Variants in WNT3A observed in about 807,000 individuals in gnomAD.
WNT3A encodes protein Wnt-3a.
In WNT3A, 17 loss-of-function variants were observed where a neutral mutation model predicts 37.0. The ratio of observed to expected loss-of-function variants is 0.46; its 90% CI spans 0.31 to 0.69. The LOEUF (loss-of-function observed/expected upper bound fraction) is 0.69. Among genes scored for constraint, WNT3A ranks in the 30% least tolerant of loss-of-function variants. The pLI is 0.05. For synonymous variants in WNT3A, 187 were observed against 211.0 expected (o/e 0.89, Z 0.99); for missense variants, 411 against 510.2 (o/e 0.81, Z 1.87).
chr1:228,042,427 T>C lies in WNT3A; in HGVS notation c.314-8229T>C, dbSNP rs150644350. Among the ~76,000 whole-genome samples the C allele has an allele frequency of 1.6e-3, 247 of 151,478 alleles. No individual in the cohort carries two copies. Among genetic ancestry groups the C allele is most frequent in the South Asian group, 6.5e-3 (31 of 4,774 alleles). ...TGATGGATGGATGGTGGGTGGTGGATAGATGGATGAATGGATGATGGGTGG... is the reference window on the plus strand; with the variant it reads ...TGATGGATGGATGGTGGGTGGTGGACAGATGGATGAATGGATGATGGGTGG... On this transcript the variant is annotated intron_variant, in intron 2 of 3. Coordinates refer to ENST00000284523, the MANE Select transcript of WNT3A (RefSeq NM_033131.4). This position sits in a 1 kb window ranked among gnomAD's most constrained non-coding sequence, Gnocchi z 5.2.
At chr1:228,058,887 T>G in intron 3 of WNT3A, 99 bp from the exon 4 acceptor site, 4 of 1,241,200 alleles carry the variant, frequency 3.2e-6, no homozygotes, top group Non-Finnish European at 4.4e-6. Flanking sequence ...CCCGGGGGCT[T>G]TATGGAGCAG....
chr1:228,034,126 G>A (rs886868782), intron 2 of WNT3A, among the ~76,000 whole-genome samples: 8 of 152,100 alleles, frequency 5.3e-5, no homozygotes, highest in Admixed American at 3.9e-4. Flanking sequence ...GCCAGGCATG[G>A]TGGCACATGC....
rs572229142 is a variant in WNT3A at position 228,022,866 on chromosome 1, G to A, written c.271G>A (p.Val91Ile). The change falls in exon 2 of 4, where the codon GTC (valine) becomes ATC (isoleucine). Residue 91 changes from valine to isoleucine, a missense_variant. By Grantham distance (29) the Val-to-Ile change is conservative. Transcript: ENST00000284523. ...FRGRRWNCTTVHDSLAIFGPV... is the reference protein window; with the variant it reads ...FRGRRWNCTTIHDSLAIFGPV... ...CGGCCGCCGGTGGAACTGCACCACCGTCCACGACAGCCTGGCCATCTTCGG... is the reference window on the plus strand; with the variant it reads ...CGGCCGCCGGTGGAACTGCACCACCATCCACGACAGCCTGGCCATCTTCGG... 31 of 1,613,052 alleles carry A rather than the reference G, an allele frequency of 1.9e-5. No individual in the cohort carries two copies. The highest frequency in any genetic ancestry group is 1.7e-4 in the Middle Eastern group (1 of 6,048).
chr1:228,011,934 C>T (rs1021657058), intron 1 of WNT3A, among the ~76,000 whole-genome samples: 3 of 152,250 alleles, frequency 2.0e-5, no homozygotes, highest in Non-Finnish European at 2.9e-5. Context: ...GCCTCAGGGA[C>T]GCACAGCACC....
rs1356967553 is a variant in WNT3A at position 228,059,290 on chromosome 1, G to A, written c.884G>A (p.Arg295His). ...ACGGGCTCCTTCGGCACGCGCGACCGCACCTGCAACGTCAGCTCGCACGGC... is the reference window on the plus strand; with the variant it reads ...ACGGGCTCCTTCGGCACGCGCGACCACACCTGCAACGTCAGCTCGCACGGC... The part of the protein sequence containing the change: ...PETGSFGTRD[R>H]TCNVSSHGID... Residue 295 changes from arginine to histidine, a missense_variant, in exon 4 of 4, where the codon CGC (arginine) becomes CAC (histidine). Arg to His is a conservative substitution (Grantham distance 29). Coordinates refer to ENST00000284523, the MANE Select transcript of WNT3A (RefSeq NM_033131.4). 2.5e-6 allele frequency: 4 copies of A among 1,589,558 alleles called. No homozygotes were observed. Among genetic ancestry groups the A allele is most frequent in the Admixed American group, 1.7e-5 (1 of 57,682 alleles).
chr1:228,026,506 T>C (rs1349110923), intron 2 of WNT3A, among the ~76,000 whole-genome samples: 1 of 152,250 alleles, frequency 6.6e-6, no homozygotes, highest in African/African-American at 2.4e-5. Flanking sequence ...AAGTGTTTTT[T>C]TGTTACATGG....
chr1:228,016,401 G>T (rs1296799289), intron 1 of WNT3A, among the ~76,000 whole-genome samples: 1 of 152,142 alleles, frequency 6.6e-6, no homozygotes, highest in Non-Finnish European at 1.5e-5. Context: ...GCCCAGTTCA[G>T]TTGGGGAAAC....
In WNT3A at chr1:228,059,182, G is replaced by T. The variant is rs768601883; in HGVS notation, c.776G>T (p.Arg259Leu). Residue 259 changes from arginine to leucine, a missense_variant, in exon 4 of 4, where the codon CGC becomes CTC. Physicochemically the swap from Arg to Leu is moderately radical, Grantham distance 102. Transcript: ENST00000284523. ...SRGWVETLRP[R>L]YTYFKVPTER... ...GGCTGGGTGGAGACCCTGCGGCCGCGCTACACCTACTTCAAGGTGCCCACG... is the reference window on the plus strand; with the variant it reads ...GGCTGGGTGGAGACCCTGCGGCCGCTCTACACCTACTTCAAGGTGCCCACG... 1.7e-5 allele frequency: 28 copies of T among 1,612,846 alleles called. No individual in the cohort carries two copies. Among genetic ancestry groups the T allele is most frequent in the Non-Finnish European group, 2.4e-5 (28 of 1,179,908 alleles).
chr1:228,044,618 C>T (rs958200637), intron 2 of WNT3A, among the ~76,000 whole-genome samples: 3 of 152,214 alleles, frequency 2.0e-5, no homozygotes, highest in African/African-American at 7.2e-5. Flanking sequence ...CATGCATCAT[C>T]CCTGGAGCCA....
Position 228,059,437 on chromosome 1 carries a change from G to A in WNT3A, c.1031G>A (p.Arg344His). The A allele has an allele frequency of 6.5e-7, 1 of 1,531,108 alleles. No individual in the cohort carries two copies. Among genetic ancestry groups the A allele is most frequent in the Non-Finnish European group, 8.7e-7 (1 of 1,143,160 alleles). The allele number at this position is 1,531,108 out of a possible 1,614,324, so 94.8% of individuals were successfully genotyped here. A position where few individuals can be genotyped will look rare whatever the true frequency, so the allele number is the denominator to read the frequency against. ...TACGTCAGCTGCCAGGAGTGCACGC[G>A]CGTCTACGACGTGCACACCTGCAAG... is the stretch of plus-strand genomic sequence containing the variant. ...CCYVSCQECT[R>H]VYDVHTCK The change falls in exon 4 of 4, where the codon CGC (arginine) becomes CAC (histidine). Residue 344 changes from arginine (R) to histidine (H), a missense_variant. Physicochemically the swap from Arg to His is conservative, Grantham distance 29. Transcript: ENST00000284523.
At position 228,050,916 on chromosome 1, in the gene WNT3A, C is replaced by T. The variant is rs2031537770; in HGVS notation, c.574C>T (p.Arg192Cys). 6 of 1,535,554 alleles carry T rather than the reference C, an allele frequency of 3.9e-6. No homozygotes were observed. The highest frequency in any genetic ancestry group is 2.3e-5 in the East Asian group (1 of 43,872). The change falls in exon 3 of 4, where the codon CGC becomes TGC. Residue 192 changes from arginine (R) to cysteine (C), a missense_variant. Coordinates refer to ENST00000284523, the MANE Select transcript of WNT3A (RefSeq NM_033131.4). The surrounding 1 kb of genome is among the most constrained non-coding windows in gnomAD (Gnocchi z 5.0). The stretch of plus-strand genomic sequence containing the variant: ...GAACCGCCACAACAACGAGGCTGGG[C>T]GCCAGGTAGGTTCGCCGCCCGCAAG... Reference protein sequence around the residue: ...AMNRHNNEAGRQAIASHMHLK... With the variant: ...AMNRHNNEAGCQAIASHMHLK...
intron 2 of WNT3A, among the ~76,000 whole-genome samples, chr1:228,043,336 G>A (rs747394170): frequency 1.3e-5 from 2 of 152,166 alleles, no homozygotes. Context: ...AAAAAGTTCA[G>A]CCAGGCTCCT....
chr1:228,052,903 T>C (rs149124819), intron 3 of WNT3A, among the ~76,000 whole-genome samples: 1 of 152,286 alleles, frequency 6.6e-6, no homozygotes, highest in African/African-American at 2.4e-5. Flanking sequence ...TGAATGTGTC[T>C]CCCAAAATTC....
chr1:228,043,454 C>G (rs1388265140), intron 2 of WNT3A, among the ~76,000 whole-genome samples: 12 of 152,214 alleles, frequency 7.9e-5, no homozygotes, highest in African/African-American at 2.9e-4. Context: ...CTAATGAAGG[C>G]ATTTTCCTGC....
Position 228,048,177 on chromosome 1 carries a change from A to G in WNT3A, c.314-2479A>G, listed in dbSNP as rs118177166. Reference sequence around the variant, plus strand: ...TGTCCCATGGGAGGACCCTGGCTCCAGGAGAACCTCAGGCCTCCTTCTATC... The same window carrying G: ...TGTCCCATGGGAGGACCCTGGCTCCGGGAGAACCTCAGGCCTCCTTCTATC... On this transcript the variant is annotated intron_variant, in intron 2 of 3. Transcript: ENST00000284523. 3.6e-3 allele frequency among the ~76,000 whole-genome samples: 555 copies of G among 152,322 alleles called. 11 individuals carry two copies. Among genetic ancestry groups the G allele is most frequent in the East Asian group, 0.03 (155 of 5,180 alleles).
intron 1 of WNT3A, 69 bp from the exon 2 acceptor site, chr1:228,022,598 G>C: frequency 6.4e-7 from 1 of 1,554,112 alleles, no homozygotes; most frequent in Non-Finnish European, 8.8e-7. Flanking sequence ...CAGAGCAAAG[G>C]GTCTGTAGCC....
chr1:228,030,605 G>A (rs1430437586), intron 2 of WNT3A, among the ~76,000 whole-genome samples: 2 of 152,108 alleles, frequency 1.3e-5, no homozygotes, highest in African/African-American at 2.4e-5. Context: ...TTTATGAGCT[G>A]CCTGGCTATG....
chr1:228,045,594 C>T lies in WNT3A; in HGVS notation c.314-5062C>T, dbSNP rs528544370. Reference sequence around the variant, plus strand: ...AGGAAGTGCTCTGCATCCAGCCACACGTGTATTCACTCAGAGGCAGTGGGT... The same window carrying T: ...AGGAAGTGCTCTGCATCCAGCCACATGTGTATTCACTCAGAGGCAGTGGGT... On this transcript the variant is annotated intron_variant, in intron 2 of 3. Transcript: ENST00000284523. Among the ~76,000 whole-genome samples the T allele has an allele frequency of 1.7e-4, 26 of 152,246 alleles. No individual in the cohort carries two copies. The East Asian group carries it at 3.5e-3, about 20-fold the overall frequency.
chr1:228,048,943 C>A (rs868679504), intron 2 of WNT3A, among the ~76,000 whole-genome samples: 17 of 152,224 alleles, frequency 1.1e-4, no homozygotes, highest in Non-Finnish European at 5.9e-5. Flanking sequence ...CCAGCCCTCC[C>A]CTACCACCCT....
Sources: allele counts gnomAD v4.1 joint callset (sites outside exome capture counted in the v4.1 genomes callset), GRCh38; gene constraint gnomAD v4.1.1; non-coding constraint Gnocchi (gnomAD v3.1); transcripts MANE v1.5; gene names NCBI Gene and HGNC (gene_info 2026-07-23, HGNC 2026-07-21).